Variants in ZNF292 observed in about 807,000 individuals in gnomAD.
The protein encoded by ZNF292 is zinc finger protein 292.
A neutral mutation model predicts 217.9 loss-of-function variants in ZNF292; 26 were observed. The ratio of observed to expected loss-of-function variants is 0.12; its 90% CI spans 0.09 to 0.17. ZNF292 has a LOEUF of 0.17. Ranked by LOEUF, ZNF292 falls within the 10% of genes least tolerant of loss-of-function variation. ZNF292 has a pLI of 1.00. For missense variants in ZNF292, 2,904 were observed against 3,175.2 expected, an observed-to-expected ratio of 0.91 and a Z score of 2.05; for synonymous variants, 1,257 against 1,124.1, an observed-to-expected ratio of 1.12 and a Z score of -2.37.
intron 4 of ZNF292, chr6:87,223,624 G>T (rs1207689628): frequency 1.3e-5 from 2 of 152,078 alleles, no homozygotes; most frequent in African/African-American, 4.8e-5. Context: ...TTTTCAATCA[G>T]TCATTTATAT....
chr6:87,239,684 C>T lies in ZNF292; in HGVS notation c.742-3791C>T, dbSNP rs1156760851. Among the ~76,000 whole-genome samples, 28 of 26,172 alleles carry T rather than the reference C, an allele frequency of 1.1e-3. 5 individuals carry two copies. The highest frequency in any genetic ancestry group is 1.6e-3 in the Non-Finnish European group (26 of 16,312). 17.2% of individuals were successfully genotyped at this position (26,172 alleles called of 152,430 possible). On this transcript the variant is annotated intron_variant, in intron 5 of 7. Coordinates refer to ENST00000369577, the MANE Select transcript of ZNF292 (RefSeq NM_015021.3). The stretch of plus-strand genomic sequence containing the variant: ...CTCACTTCTCAGACGGGGCGGCTGC[C>T]GGGCGGAGGGGCTCCTCACCTCCCA...
At chr6:87,178,737 C>T (rs928813103) in intron 1 of ZNF292, among the ~76,000 whole-genome samples, 2 of 152,128 alleles carry the variant, frequency 1.3e-5, no homozygotes, top group African/African-American at 4.8e-5. Context: ...TTTTTAACAA[C>T]ACAAGAAAAG....
At chr6:87,198,442 G>C (rs1413179655) in intron 1 of ZNF292, among the ~76,000 whole-genome samples, 1 of 152,138 alleles carries the variant, frequency 6.6e-6, no homozygotes, top group Non-Finnish European at 1.5e-5. Flanking sequence ...CTCACCTCGT[G>C]ATCCGCCCGC....
chr6:87,227,353 A>C (rs1028605672), intron 4 of ZNF292, among the ~76,000 whole-genome samples: 36 of 152,164 alleles, frequency 2.4e-4, no homozygotes, highest in Non-Finnish European at 8.8e-5. Context: ...AACTTGAAGC[A>C]TTGTGTTTTA....
Position 87,219,482 on chromosome 6 carries a change from T to C in ZNF292, c.538+751T>C, listed in dbSNP as rs1307142161. On this transcript the variant is annotated intron_variant, in intron 4 of 7. Transcript: ENST00000369577. ...CATTTATTGCTGCTTTTCTTGTTGA[T>C]CAGTGGCAAATTCTAGGAAGTTTTG... is the stretch of plus-strand genomic sequence containing the variant. Among the ~76,000 whole-genome samples the C allele has an allele frequency of 3.9e-5, 6 of 152,346 alleles. No individual in the cohort carries two copies. In the East Asian group the frequency reaches 1.2e-3, roughly 29 times the overall value.
In ZNF292 at chr6:87,256,327, A is replaced by T. The variant is rs1775209542; in HGVS notation, c.2698A>T (p.Thr900Ser). 2 of 1,612,866 alleles carry T rather than the reference A, an allele frequency of 1.2e-6. No individual in the cohort carries two copies. Among genetic ancestry groups the T allele is most frequent in the Non-Finnish European group, 1.7e-6 (2 of 1,179,846 alleles). The part of the protein sequence containing the change: ...WDKSKAESAV[T>S]KQDQISASEL... ...TAAAAGCAAAGCAGAATCAGCTGTG[A>T]CCAAACAAGACCAGATTTCTGCCTC... is the stretch of plus-strand genomic sequence containing the variant. The change falls in exon 8 of 8, where the codon ACC becomes TCC. Residue 900 changes from threonine (T) to serine (S), a missense_variant. Thr to Ser is a moderately conservative substitution (Grantham distance 58, BLOSUM62 1). Coordinates refer to ENST00000369577, the MANE Select transcript of ZNF292 (RefSeq NM_015021.3).
intron 1 of ZNF292, among the ~76,000 whole-genome samples, chr6:87,171,800 A>C (rs954902826): frequency 2.0e-5 from 3 of 152,240 alleles, no homozygotes; most frequent in East Asian, 3.9e-4. Context: ...ACTGGTTTGC[A>C]CCCTTTCATT....
Position 87,155,769 on chromosome 6 carries a change from C to T in ZNF292, c.168+10C>T, listed in dbSNP as rs771424169. On this transcript the variant is annotated intron_variant, in intron 1 of 7. Transcript: ENST00000369577. The stretch of plus-strand genomic sequence containing the variant: ...TCAGCAGCTGTGCCAGGTGAGGGCG[C>T]CCGGTGGTCCCCTCCCCCTTTCCCC... The T allele has an allele frequency of 3.2e-6, 5 of 1,581,630 alleles. No homozygotes were observed. Among genetic ancestry groups the T allele is most frequent in the Admixed American group, 1.8e-5 (1 of 56,954 alleles).
chr6:87,206,830 G>A (rs572373044), intron 1 of ZNF292, among the ~76,000 whole-genome samples: 42 of 152,274 alleles, frequency 2.8e-4, no homozygotes, highest in South Asian at 1.0e-3. Context: ...CATCACACAC[G>A]CAGAACCTTA....
At chr6:87,252,295 G>A (rs1413338468) in intron 7 of ZNF292, among the ~76,000 whole-genome samples, 2 of 151,956 alleles carry the variant, frequency 1.3e-5, no homozygotes, top group African/African-American at 4.8e-5. Context: ...GGGATTACAG[G>A]TGCCCGCCAC....
chr6:87,258,769 A>G lies in ZNF292; in HGVS notation c.5140A>G (p.Thr1714Ala). ...ENFKTSLESH[T>A]VLAPLTLKTE... ...TTTCAAAACCAGTCTTGAGTCCCATACAGTGTTAGCCCCTTTAACATTAAA... is the reference window on the plus strand; with the variant it reads ...TTTCAAAACCAGTCTTGAGTCCCATGCAGTGTTAGCCCCTTTAACATTAAA... The change falls in exon 8 of 8, where the codon ACA (threonine) becomes GCA (alanine). Residue 1714 changes from threonine (T) to alanine (A), a missense_variant. Thr to Ala is a moderately conservative substitution (Grantham distance 58). This residue lies in a region of ZNF292 where 622 missense variants were observed against 573.1 expected (regional missense o/e 1.09). Transcript: ENST00000369577. 1.2e-6 allele frequency: 2 copies of G among 1,613,594 alleles called. No individual in the cohort carries two copies. Among genetic ancestry groups the G allele is most frequent in the Non-Finnish European group, 1.7e-6 (2 of 1,179,722 alleles).
intron 1 of ZNF292, among the ~76,000 whole-genome samples, chr6:87,160,165 A>G (rs1420954118): frequency 3.3e-5 from 5 of 152,242 alleles, no homozygotes; most frequent in Non-Finnish European, 1.5e-5. Context: ...TAATCGTAGT[A>G]AACTATGATT....
intron 1 of ZNF292, among the ~76,000 whole-genome samples, chr6:87,211,989 G>A (rs957260030): frequency 2.0e-5 from 3 of 152,182 alleles, no homozygotes; most frequent in Admixed American, 6.5e-5. Context: ...GGAAAAAAGT[G>A]TAGGACTTTG....
At chr6:87,254,504 G>A (rs1582511797) in intron 7 of ZNF292, 146 bp from the exon 8 acceptor site, 1 of 722,856 alleles carries the variant, frequency 1.4e-6, no homozygotes, top group East Asian at 2.6e-5. Context: ...ACCAGACTAA[G>A]CTGCAGTGCT....
chr6:87,235,950 C>T (rs1389835342), intron 5 of ZNF292, among the ~76,000 whole-genome samples: 1 of 152,196 alleles, frequency 6.6e-6, no homozygotes, highest in African/African-American at 2.4e-5. Flanking sequence ...TCCCTTGTTA[C>T]AAAGTAACAA....
intron 1 of ZNF292, among the ~76,000 whole-genome samples, chr6:87,214,284 C>T (rs1162404546): frequency 2.0e-5 from 3 of 152,124 alleles, no homozygotes; most frequent in East Asian, 3.9e-4. Flanking sequence ...CATGGATTCC[C>T]CTCTTCCCCA....
intron 1 of ZNF292, among the ~76,000 whole-genome samples, chr6:87,195,432 G>A (rs1771927742): frequency 6.6e-6 from 1 of 152,148 alleles, no homozygotes; most frequent in East Asian, 1.9e-4. Flanking sequence ...GATAAAAATG[G>A]ACCGTCCTAT....
intron 1 of ZNF292, among the ~76,000 whole-genome samples, chr6:87,175,798 A>T (rs1771268953): frequency 6.6e-6 from 1 of 152,186 alleles, no homozygotes; most frequent in Admixed American, 6.5e-5. Flanking sequence ...TATTGAAATG[A>T]GAGTTTGGGG....
rs943704807 is a variant in ZNF292, at chr6:87,256,220, A to C, written c.2591A>C (p.Asn864Thr). ...GAAGTGAATCAGAACACAGCAGAGA[A>C]TATTGAGAAAGAAAGATCTATGCTT... ...PSEVNQNTAE[N>T]IEKERSMLPS... The change falls in exon 8 of 8, where the codon AAT becomes ACT. Residue 864 changes from asparagine to threonine, a missense_variant. Coordinates refer to ENST00000369577, the MANE Select transcript of ZNF292 (RefSeq NM_015021.3). 5.0e-6 allele frequency: 8 copies of C among 1,613,884 alleles called. No individual in the cohort carries two copies. The highest frequency in any genetic ancestry group is 1.3e-5 in the African/African-American group (1 of 75,044).
Sources: gnomAD v4.1 joint callset for allele counts (sites outside exome capture counted in the v4.1 genomes callset) on GRCh38, gnomAD v4.1.1 for gene constraint, gnomAD v4.1.1 regional missense constraint, MANE v1.5 for transcripts, NCBI Gene and HGNC (gene_info 2026-07-23, HGNC 2026-07-21) for gene names.